CCM2L: variants seen among roughly 807,000 people sequenced by gnomAD.
CCM2L encodes the protein cerebral cavernous malformations 2 protein-like.
CCM2L carries 36 observed loss-of-function variants against 54.1 expected under a neutral mutation model. The observed-to-expected ratio is 0.67, with a 90% confidence interval of 0.51 to 0.88. The LOEUF is 0.88. CCM2L is among the 40% of genes least tolerant of loss of function. The pLI is 0.00. For missense variants in CCM2L, 700 were observed against 812.1 expected (o/e 0.86, Z 1.68); for synonymous variants, 351 against 359.3 (o/e 0.98, Z 0.26).
intron 6 of CCM2L, among the ~76,000 whole-genome samples, chr20:32,024,517 T>G (rs2064835764): frequency 1.3e-5 from 2 of 152,106 alleles, no homozygotes; most frequent in Non-Finnish European, 2.9e-5. Context: ...AGTGATTAAA[T>G]AAGTACACAA....
In CCM2L at chr20:32,017,899, G is replaced by A. The variant is rs370484652; in HGVS notation, c.282+16G>A. On this transcript the variant is annotated intron_variant, in intron 3 of 9. Transcript: ENST00000452892. Reference sequence around the variant, plus strand: ...CACCGCCAGGGTGAGACTCTGGGGAGGGAGGAGGGCAGGATCTCGCTCCCT... The same window carrying A: ...CACCGCCAGGGTGAGACTCTGGGGAAGGAGGAGGGCAGGATCTCGCTCCCT... 3 of 1,613,664 alleles carry A rather than the reference G, an allele frequency of 1.9e-6. No homozygotes were observed. In the African/African-American group the frequency reaches 4.0e-5, roughly 22 times the overall value.
At chr20:32,013,067 G>A (rs570526836) in intron 1 of CCM2L, among the ~76,000 whole-genome samples, 30 of 152,300 alleles carry the variant, frequency 2.0e-4, no homozygotes, top group African/African-American at 7.0e-4. Flanking sequence ...GGGAGGCCAA[G>A]GCAGGAGAAT....
rs2064753860 is a variant in CCM2L, at chr20:32,017,896, G to A, written c.282+13G>A. ...AGACACCGCCAGGGTGAGACTCTGG[G>A]GAGGGAGGAGGGCAGGATCTCGCTC... On this transcript the variant is annotated intron_variant, in intron 3 of 9. Transcript: ENST00000452892. 6.2e-7 allele frequency: 1 copy of A among 1,613,744 alleles called. No homozygotes were observed. Among genetic ancestry groups the A allele is most frequent in the East Asian group, 2.2e-5 (1 of 44,836 alleles).
rs775248451 is a variant in CCM2L, at chr20:32,019,133, C to A, written c.657C>A (p.Gly219=). 6.3e-4 allele frequency: 715 copies of A among 1,137,818 alleles called. 10 individuals are homozygous for A. Among genetic ancestry groups the A allele is most frequent in the Non-Finnish European group, 4.3e-5 (40 of 925,044 alleles). 70.5% of individuals were successfully genotyped at this position (1,137,818 alleles called of 1,614,324 possible). A position where few individuals can be genotyped will look rare whatever the true frequency, so the allele number is the denominator to read the frequency against. ...GGAAEARAGG[G]GGGSLERQRA... ...CCGCGGAGGCCCGGGCCGGGGGAGG[C>A]GGCGGCGGCAGCTTGGAGCGCCAGC... is the stretch of plus-strand genomic sequence containing the variant. Residue 219 remains glycine (G), a synonymous_variant, in exon 5 of 10, where the codon GGC becomes GGA. Transcript: ENST00000452892.
At position 32,017,790 on chromosome 20, in the gene CCM2L, T is replaced by G. The variant is rs1408361973; in HGVS notation, c.199-10T>G. 1 of 1,613,386 alleles carries G rather than the reference T, an allele frequency of 6.2e-7. No homozygotes were observed. Among genetic ancestry groups the G allele is most frequent in the Non-Finnish European group, 8.5e-7 (1 of 1,179,458 alleles). On this transcript the variant is annotated splice_polypyrimidine_tract_variant and intron_variant, in intron 2 of 9. Coordinates refer to ENST00000452892, the MANE Select transcript of CCM2L (RefSeq NM_001365692.1). ...CTCTGTGTCCTTCTCTCACCCCGAT[T>G]TCCATCCAGTTCCTGGGCCACCTTA...
At chr20:32,019,477 C>A in intron 5 of CCM2L, 68 bp downstream of exon 5, 1 of 1,060,118 alleles carries the variant, frequency 9.4e-7, no homozygotes, top group Non-Finnish European at 1.2e-6. Flanking sequence ...CCCCACCTTG[C>A]CCCCGCCCCA....
intron 1 of CCM2L, among the ~76,000 whole-genome samples, chr20:32,011,593 A>AAAAT (rs890613362): frequency 6.6e-6 from 1 of 152,152 alleles, no homozygotes; most frequent in Non-Finnish European, 1.5e-5. Context: ...GACTCTGTCT[A>AAAAT]AAATAAATAA....
intron 6 of CCM2L, among the ~76,000 whole-genome samples, chr20:32,023,945 G>T (rs1223092447): frequency 6.6e-6 from 1 of 152,192 alleles, no homozygotes; most frequent in African/African-American, 2.4e-5. Context: ...TAGTTGGCCA[G>T]TGTGGTCTTG....
rs531757487 is a variant in CCM2L at position 32,014,958 on chromosome 20, G to A, written c.85G>A (p.Ala29Thr). The change falls in exon 2 of 10, where the codon GCC becomes ACC. Residue 29 changes from alanine (A) to threonine (T), a missense_variant. Physicochemically the swap from Ala to Thr is moderately conservative, Grantham distance 58. Transcript: ENST00000452892. ...LVFPKAGRRAACRSSVSRRPL... is the reference protein window; with the variant it reads ...LVFPKAGRRATCRSSVSRRPL... ...GTTCCCCAAGGCCGGGCGCCGGGCA[G>A]CCTGTAGGAGCAGCGTGAGCCGCCG... The A allele has an allele frequency of 1.9e-6, 3 of 1,601,266 alleles. No homozygotes were observed. In the Admixed American group the frequency reaches 5.1e-5, roughly 27 times the overall value.
At chr20:32,023,082 T>C (rs1433736463) in intron 6 of CCM2L, among the ~76,000 whole-genome samples, 1 of 152,172 alleles carries the variant, frequency 6.6e-6, no homozygotes, top group East Asian at 1.9e-4. Context: ...ATTCTCTGCC[T>C]CAGTCTCCCG....
intron 2 of CCM2L, 139 bp downstream of exon 2, chr20:32,015,210 C>A: frequency 1.2e-6 from 1 of 821,920 alleles, no homozygotes; most frequent in South Asian, 2.8e-5. Context: ...TTCATGTCAG[C>A]CTTGCCCCCA....
intron 6 of CCM2L, among the ~76,000 whole-genome samples, chr20:32,024,901 A>C (rs1343642129): frequency 1.3e-5 from 2 of 152,232 alleles, no homozygotes; most frequent in East Asian, 3.8e-4. Flanking sequence ...GAGGGTAAGG[A>C]AGCAACACTG....
chr20:32,028,800 G>T (rs970995719), intron 7 of CCM2L, 195 bp from the exon 8 acceptor site: 69 of 618,744 alleles, frequency 1.1e-4, no homozygotes, highest in African/African-American at 1.0e-3. Context: ...GAAGGGGGGT[G>T]GGGGGCGCGA....
intron 1 of CCM2L, among the ~76,000 whole-genome samples, chr20:32,014,261 A>T (rs866128490): frequency 0.095 from 12,585 of 132,010 alleles, 735 homozygotes; most frequent in African/African-American, 0.14. Context: ...ATATATATAT[A>T]TTTTTTTTTT....
At chr20:32,016,544 T>C (rs903412679) in intron 2 of CCM2L, among the ~76,000 whole-genome samples, 1 of 151,930 alleles carries the variant, frequency 6.6e-6, no homozygotes. Context: ...TAATCCCAGC[T>C]ACTGGGGAGG....
intron 2 of CCM2L, 62 bp from the exon 3 acceptor site, chr20:32,017,738 G>T: frequency 1.5e-6 from 2 of 1,327,856 alleles, no homozygotes; most frequent in South Asian, 1.2e-5. Flanking sequence ...GAGAAGGCCA[G>T]GGTTCTTCAA....
In CCM2L at chr20:32,015,859, C is replaced by CTTTTT. The variant is rs199989562; in HGVS notation, c.198+799_198+803dup. ...CTTCCACCACTTAGGAGCTGTACTT[C>CTTTTT]TTTTTTTTTTTTTTTGAGACAGAGT... is the stretch of plus-strand genomic sequence containing the variant. On this transcript the variant is annotated intron_variant, in intron 2 of 9. Coordinates refer to ENST00000452892, the MANE Select transcript of CCM2L (RefSeq NM_001365692.1). Among the ~76,000 whole-genome samples, 607 of 127,870 alleles carry CTTTTT rather than the reference C, an allele frequency of 4.7e-3. 22 individuals carry two copies. The highest frequency in any genetic ancestry group is 0.016 in the African/African-American group (511 of 31,116). The allele number at this position is 127,870 out of a possible 152,430, so 83.9% of individuals were successfully genotyped here.
chr20:32,016,732 T>C (rs898232553), intron 2 of CCM2L, among the ~76,000 whole-genome samples: 1 of 152,142 alleles, frequency 6.6e-6, no homozygotes, highest in Non-Finnish European at 1.5e-5. Flanking sequence ...CAACCCTATA[T>C]GGAGGGAAAA....
At chr20:32,020,281 A>G (rs1386227654) in intron 5 of CCM2L, among the ~76,000 whole-genome samples, 1 of 152,212 alleles carries the variant, frequency 6.6e-6, no homozygotes, top group Non-Finnish European at 1.5e-5. Flanking sequence ...GATAATAACC[A>G]GTAAACTCAG....
Sources: allele counts gnomAD v4.1 joint callset (sites outside exome capture counted in the v4.1 genomes callset), GRCh38; gene constraint gnomAD v4.1.1; transcripts MANE v1.5; gene names NCBI Gene and HGNC (gene_info 2026-07-23, HGNC 2026-07-21).